The following SYNJ2 variants were observed in gnomAD, a reference collection of about 807,000 sequenced individuals.
SYNJ2 encodes synaptojanin 2.
In SYNJ2, 116 loss-of-function variants were observed where a neutral mutation model predicts 141.3. The observed-to-expected ratio is 0.82, with a 90% confidence interval of 0.71 to 0.96. SYNJ2 has a LOEUF of 0.96. SYNJ2 is among the 40% of genes least tolerant of loss of function. The probability of loss-of-function intolerance (pLI) is 0.00; values close to 1 mark genes in which losing one functional copy is unlikely to be tolerated. For missense variants in SYNJ2, 1,873 were observed against 1,934.8 expected (o/e 0.97, Z 0.60); for synonymous variants, 745 against 777.7 (o/e 0.96, Z 0.70).
intron 1 of SYNJ2, among the ~76,000 whole-genome samples, chr6:158,003,317 C>G (rs1464337679): frequency 6.6e-6 from 1 of 152,204 alleles, no homozygotes; most frequent in African/African-American, 2.4e-5. Flanking sequence ...CTCGCAGCTT[C>G]TGTTTCAGAC....
rs78300319 is a variant in SYNJ2 at position 158,078,467 on chromosome 6, T to C, written c.2567+186T>C. 414 of 412,330 alleles carry C rather than the reference T, an allele frequency of 1.0e-3. 1 individual carries two copies. The highest frequency in any genetic ancestry group is 7.7e-3 in the African/African-American group (382 of 49,922). The allele number at this position is 412,330 out of a possible 1,614,324, so 25.5% of individuals were successfully genotyped here. A position where few individuals can be genotyped will look rare whatever the true frequency, so the allele number is the denominator to read the frequency against. On this transcript the variant is annotated intron_variant, in intron 18 of 26. Transcript: ENST00000355585. ...TATCTGTGGACCCACCACCAAGAAC[T>C]AATTAATCTTAGCATTTTGTCATTG...
intron 12 of SYNJ2, chr6:158,067,810 G>C: frequency 1.0e-6 from 1 of 985,274 alleles, no homozygotes; most frequent in South Asian, 4.7e-5. Flanking sequence ...CTGTGTCGGT[G>C]GTAGCCTGGG....
intron 1 of SYNJ2, among the ~76,000 whole-genome samples, chr6:157,997,021 T>TC (rs1777657481): frequency 1.8e-5 from 2 of 111,750 alleles, no homozygotes; most frequent in Non-Finnish European, 1.9e-5. Context: ...TCTCCCCACC[T>TC]ACCCCACCCC....
At chr6:158,004,413 G>A (rs1276407161) in intron 1 of SYNJ2, among the ~76,000 whole-genome samples, 2 of 152,138 alleles carry the variant, frequency 1.3e-5, no homozygotes, top group Non-Finnish European at 2.9e-5. Flanking sequence ...TAATTATAAT[G>A]TATTAGCATG....
At chr6:158,090,603 G>A (rs1242752093) in intron 25 of SYNJ2, among the ~76,000 whole-genome samples, 1 of 140,406 alleles carries the variant, frequency 7.1e-6, no homozygotes, top group African/African-American at 2.6e-5. Flanking sequence ...GGAGTGCAGT[G>A]GCTCAATCCC....
At position 158,084,275 on chromosome 6, in the gene SYNJ2, A is replaced by G; in HGVS notation, c.3208+101A>G. 2 of 1,363,828 alleles carry G rather than the reference A, an allele frequency of 1.5e-6. No homozygotes were observed. Among genetic ancestry groups the G allele is most frequent in the Non-Finnish European group, 2.0e-6 (2 of 999,040 alleles). 84.5% of individuals were successfully genotyped at this position (1,363,828 alleles called of 1,614,324 possible). On this transcript the variant is annotated intron_variant, in intron 22 of 26. Coordinates refer to ENST00000355585, the MANE Select transcript of SYNJ2 (RefSeq NM_003898.4). This position sits in a 1 kb window ranked among gnomAD's most constrained non-coding sequence, Gnocchi z 5.0. ...GATTGGGCACTGTGTGATATCAAGTATGCAGGTCCCAGGAGAGACCTCAAC... is the reference window on the plus strand; with the variant it reads ...GATTGGGCACTGTGTGATATCAAGTGTGCAGGTCCCAGGAGAGACCTCAAC...
chr6:158,091,751 TAAA>T (rs35408343), intron 25 of SYNJ2, among the ~76,000 whole-genome samples: 14 of 100,958 alleles, frequency 1.4e-4, no homozygotes, highest in Admixed American at 3.1e-4. Context: ...CTCTGTCTCA[TAAA>T]AAAAAAAAAA....
chr6:158,007,665 G>A (rs1423076939), intron 1 of SYNJ2, among the ~76,000 whole-genome samples: 3 of 152,000 alleles, frequency 2.0e-5, no homozygotes, highest in African/African-American at 7.3e-5. Flanking sequence ...TGTTTTAGAC[G>A]GAGTTTCGCT....
At chr6:158,026,539 C>T (rs1779058560) in intron 2 of SYNJ2, among the ~76,000 whole-genome samples, 1 of 152,118 alleles carries the variant, frequency 6.6e-6, no homozygotes, top group South Asian at 2.1e-4. Context: ...GACCCAGGAG[C>T]CCCAGTGCTC....
intron 1 of SYNJ2, among the ~76,000 whole-genome samples, chr6:157,990,341 T>C (rs1008888325): frequency 6.7e-6 from 1 of 150,188 alleles, no homozygotes; most frequent in Non-Finnish European, 1.5e-5. Flanking sequence ...TTCTTCTCCT[T>C]CTCCTTGGCG....
chr6:158,074,470 T>G, intron 15 of SYNJ2, 110 bp from the exon 16 acceptor site: 3 of 1,231,510 alleles, frequency 2.4e-6, no homozygotes, highest in African/African-American at 1.5e-5. Context: ...TTTTTCTAAG[T>G]AGCATTTTGA....
intron 3 of SYNJ2, 43 bp from the exon 4 acceptor site, chr6:158,033,412 G>A (rs768004977): frequency 1.3e-6 from 2 of 1,596,610 alleles, no homozygotes; most frequent in South Asian, 2.2e-5. Context: ...ATGTATTGGA[G>A]GATGTCAAGT....
chr6:158,055,094 C>A, intron 6 of SYNJ2, 66 bp downstream of exon 6: 1 of 1,568,636 alleles, frequency 6.4e-7, no homozygotes, highest in Non-Finnish European at 8.7e-7. Context: ...TCCCATCAGA[C>A]ACAAGGGAGA....
At chr6:158,058,912 A>G (rs1781033685) in intron 6 of SYNJ2, among the ~76,000 whole-genome samples, 3 of 152,358 alleles carry the variant, frequency 2.0e-5, no homozygotes, top group African/African-American at 2.4e-5. Flanking sequence ...TAGCCTGGAC[A>G]ACAGACTGAG....
At chr6:158,033,253 G>C (rs115762970) in intron 3 of SYNJ2, among the ~76,000 whole-genome samples, 1 of 152,296 alleles carries the variant, frequency 6.6e-6, no homozygotes, top group African/African-American at 2.4e-5. Context: ...CAGTGGTCCT[G>C]CTATTTGGGA....
At chr6:158,064,224 G>A (rs1562372541) in intron 9 of SYNJ2, among the ~76,000 whole-genome samples, 1 of 152,132 alleles carries the variant, frequency 6.6e-6, no homozygotes, top group Non-Finnish European at 1.5e-5. Flanking sequence ...TGAAGCTGGG[G>A]AGGGAGACCT....
chr6:158,053,761 GCACCCACCCATC>G (rs1334845246), intron 5 of SYNJ2, among the ~76,000 whole-genome samples: 9 of 127,484 alleles, frequency 7.1e-5, no homozygotes, highest in Admixed American at 3.9e-4. Flanking sequence ...ACCCATCCAT[GCACCCACCCATC>G]CACCCACCCA....
chr6:158,077,467 C>G (rs1782377390), intron 17 of SYNJ2, among the ~76,000 whole-genome samples: 1 of 152,076 alleles, frequency 6.6e-6, no homozygotes, highest in Non-Finnish European at 1.5e-5. Context: ...TTTATCCAGC[C>G]TATTTTGTTC....
chr6:157,985,093 T>C (rs920700609), intron 1 of SYNJ2, among the ~76,000 whole-genome samples: 3 of 152,228 alleles, frequency 2.0e-5, no homozygotes, highest in Non-Finnish European at 4.4e-5. Context: ...GGATCCTAAC[T>C]GGAAAAGTAC....
Sources: allele counts gnomAD v4.1 joint callset (sites outside exome capture counted in the v4.1 genomes callset), GRCh38; gene constraint gnomAD v4.1.1; non-coding constraint Gnocchi (gnomAD v3.1); transcripts MANE v1.5; gene names NCBI Gene and HGNC (gene_info 2026-07-23, HGNC 2026-07-21).